Variants in SFXN1 observed in about 807,000 individuals in gnomAD.
SFXN1 encodes sideroflexin-1.
A neutral mutation model predicts 39.5 loss-of-function variants in SFXN1; 32 were observed. That is an observed-to-expected ratio of 0.81 (90% CI 0.61 to 1.09). SFXN1 has a LOEUF of 1.09. Ranked by LOEUF, SFXN1 falls within the 50% of genes least tolerant of loss-of-function variation. The pLI, the probability that SFXN1 is intolerant of heterozygous loss-of-function variation, is 0.00. For synonymous variants in SFXN1, 136 were observed against 146.5 expected (o/e 0.93, Z 0.52); for missense variants, 402 against 407.1 (o/e 0.99, Z 0.11).
At chr5:175,498,767 A>G (rs774353709) in intron 2 of SFXN1, among the ~76,000 whole-genome samples, 36 of 152,214 alleles carry the variant, frequency 2.4e-4, no homozygotes, top group Non-Finnish European at 1.0e-4. Context: ...ATAACATTCT[A>G]TGAATACAGT....
At chr5:175,490,537 A>C (rs1355906278) in intron 1 of SFXN1, among the ~76,000 whole-genome samples, 2 of 152,240 alleles carry the variant, frequency 1.3e-5, no homozygotes, top group Non-Finnish European at 2.9e-5. Context: ...CCTGTAAAGC[A>C]CTAAGAAAGT....
chr5:175,505,219 CT>C (rs1320065347), intron 2 of SFXN1, among the ~76,000 whole-genome samples: 2 of 151,986 alleles, frequency 1.3e-5, no homozygotes, highest in African/African-American at 2.4e-5. Context: ...CAAATTACAA[CT>C]GTGGTCACCT....
chr5:175,503,028 G>C (rs928767373), intron 2 of SFXN1, among the ~76,000 whole-genome samples: 1 of 152,082 alleles, frequency 6.6e-6, no homozygotes, highest in African/African-American at 2.4e-5. Flanking sequence ...TGAAATTCTT[G>C]AAAAGGTAAT....
chr5:175,492,273 A>G lies in SFXN1; in HGVS notation c.164+6A>G. ...AAAATAGTACATGATTACAGGTAAC[A>G]TTAATTATTGTTTTTTGGTTTAATG... On this transcript the variant is annotated splice_donor_region_variant and intron_variant, in intron 2 of 10. Transcript: ENST00000321442. The G allele has an allele frequency of 1.2e-6, 2 of 1,601,614 alleles. No individual in the cohort carries two copies. The highest frequency in any genetic ancestry group is 1.7e-6 in the Non-Finnish European group (2 of 1,175,322).
At chr5:175,481,090 A>G (rs1271476322) in intron 1 of SFXN1, among the ~76,000 whole-genome samples, 1 of 152,252 alleles carries the variant, frequency 6.6e-6, no homozygotes, top group Non-Finnish European at 1.5e-5. Context: ...GTTGATTCTT[A>G]TACATGGATG....
chr5:175,494,293 G>A (rs1211376769), intron 2 of SFXN1, among the ~76,000 whole-genome samples: 2 of 152,046 alleles, frequency 1.3e-5, no homozygotes, highest in Admixed American at 6.6e-5. Context: ...GGAAAACAAC[G>A]AAAAGCTATT....
rs1318178090 is a variant in SFXN1, at chr5:175,516,600, ATCTT to A, written c.725-12_725-9del. 1.2e-6 allele frequency: 2 copies of A among 1,608,398 alleles called. No homozygotes were observed. Among genetic ancestry groups the A allele is most frequent in the Admixed American group, 3.4e-5 (2 of 58,830 alleles). ...ATTAAATAAAGATTTAAGTGGATCTATCTTTATTTCCAGCCATCCCTCCATTCAT... is the reference window on the plus strand; with the variant it reads ...ATTAAATAAAGATTTAAGTGGATCTATATTTCCAGCCATCCCTCCATTCAT... On this transcript the variant is annotated splice_polypyrimidine_tract_variant and intron_variant, in intron 7 of 10. Transcript: ENST00000321442.
At chr5:175,507,012 C>A (rs1760331442) in intron 2 of SFXN1, among the ~76,000 whole-genome samples, 1 of 152,184 alleles carries the variant, frequency 6.6e-6, no homozygotes, top group African/African-American at 2.4e-5. Flanking sequence ...ACTTGAGCCT[C>A]ACAGTTATGG....
Position 175,528,829 on chromosome 5 carries a change from G to A in SFXN1, c.*2095G>A, listed in dbSNP as rs1761155496. 1 of 152,144 alleles carries A rather than the reference G, an allele frequency of 6.6e-6. No individual in the cohort carries two copies. The highest frequency in any genetic ancestry group is 6.5e-5 in the Admixed American group (1 of 15,274). The allele number at this position is 152,144 out of a possible 1,614,324, so 9.4% of individuals were successfully genotyped here. ...AAGTGGTAAAAGCCTGAAATTCAGG[G>A]CAGCTCTCCATGAGGTGCTGAAGGG... On this transcript the variant is annotated 3_prime_UTR_variant, in exon 11 of 11. Transcript: ENST00000321442.
rs1761158322 is a variant in SFXN1 at position 175,528,912 on chromosome 5, G to C, written c.*2178G>C. On this transcript the variant is annotated 3_prime_UTR_variant, in exon 11 of 11. Transcript: ENST00000321442. ...TGCCCCAGGTGTCCCGCTCCTCTCA[G>C]AGTCCTCCCCCTACCAGGTAGTGTG... The C allele has an allele frequency of 6.6e-6, 1 of 152,302 alleles. No homozygotes were observed. Among genetic ancestry groups the C allele is most frequent in the African/African-American group, 2.4e-5 (1 of 41,426 alleles). The allele number at this position is 152,302 out of a possible 1,614,324, so 9.4% of individuals were successfully genotyped here.
intron 8 of SFXN1, among the ~76,000 whole-genome samples, chr5:175,521,253 T>TA (rs5873501): frequency 0.98 from 141,444 of 144,760 alleles, 69,090 homozygotes; most frequent in East Asian, 0.99. Flanking sequence ...TCATTTCCAT[T>TA]AAAAAAAAAA....
chr5:175,505,489 A>T (rs886794106), intron 2 of SFXN1, among the ~76,000 whole-genome samples: 3 of 151,178 alleles, frequency 2.0e-5, no homozygotes, highest in Non-Finnish European at 4.4e-5. Context: ...GTGAGCCAAG[A>T]TCACGCCATT....
Position 175,526,702 on chromosome 5 carries a change from T to C in SFXN1, c.937T>C (p.Leu313=). The change falls in exon 11 of 11, where the codon TTG becomes CTG. Residue 313 remains leucine (L), a synonymous_variant. Coordinates refer to ENST00000321442, the MANE Select transcript of SFXN1 (RefSeq NM_022754.7). The part of the protein sequence containing the change: ...QAKIQESHPE[L]RRVYFNKGL ...TAAGATCCAAGAGAGCCATCCTGAA[T>C]TGCGACGCGTGTACTTCAATAAGGG... 2 of 1,614,196 alleles carry C rather than the reference T, an allele frequency of 1.2e-6. No homozygotes were observed. The highest frequency in any genetic ancestry group is 2.2e-5 in the South Asian group (2 of 91,084).
chr5:175,511,037 C>T (rs1232840541), intron 4 of SFXN1, among the ~76,000 whole-genome samples: 1 of 152,100 alleles, frequency 6.6e-6, no homozygotes, highest in East Asian at 1.9e-4. Context: ...TTCATTTTTG[C>T]TTTCAGTGTG....
chr5:175,485,780 G>A (rs1318724261), intron 1 of SFXN1, among the ~76,000 whole-genome samples: 1 of 152,172 alleles, frequency 6.6e-6, no homozygotes, highest in African/African-American at 2.4e-5. Flanking sequence ...ATTTCGGTGG[G>A]TTTAACTGGA....
intron 1 of SFXN1, among the ~76,000 whole-genome samples, chr5:175,490,771 C>A (rs1447041269): frequency 1.3e-5 from 2 of 151,996 alleles, no homozygotes; most frequent in Non-Finnish European, 2.9e-5. Context: ...TGGTGAAAAA[C>A]CAAAAACCAC....
chr5:175,486,272 G>A (rs1276424126), intron 1 of SFXN1, among the ~76,000 whole-genome samples: 1 of 152,192 alleles, frequency 6.6e-6, no homozygotes, highest in Non-Finnish European at 1.5e-5. Context: ...AGTGGTGAGT[G>A]GAAAGCTGGC....
intron 2 of SFXN1, among the ~76,000 whole-genome samples, chr5:175,507,964 C>A (rs1760368243): frequency 9.2e-6 from 1 of 108,668 alleles, no homozygotes; most frequent in African/African-American, 4.5e-5. Flanking sequence ...CAGAGTGAGA[C>A]CCTGTCTTTA....
At chr5:175,512,660 AAG>A (rs1306490931) in intron 6 of SFXN1, among the ~76,000 whole-genome samples, 1 of 152,200 alleles carries the variant, frequency 6.6e-6, no homozygotes, top group East Asian at 1.9e-4. Context: ...AAGGAGAAGA[AAG>A]AACAACAAAA....
Sources: gnomAD v4.1 joint callset for allele counts (sites outside exome capture counted in the v4.1 genomes callset) on GRCh38, gnomAD v4.1.1 for gene constraint, MANE v1.5 for transcripts, NCBI Gene and HGNC (gene_info 2026-07-23, HGNC 2026-07-21) for gene names.